ANKRD30B: variants seen among roughly 807,000 people sequenced by gnomAD.
The protein encoded by ANKRD30B is ankyrin repeat domain 30B, also known as ankyrin repeat domain-containing protein 30B.
Under a neutral mutation model 202.2 loss-of-function variants are expected in ANKRD30B, and 144 were observed. The observed-to-expected ratio is 0.71, with a 90% CI of 0.62 to 0.82. The LOEUF is 0.82. ANKRD30B is among the 40% of genes least tolerant of loss of function. ANKRD30B has a pLI of 0.00. For synonymous variants in ANKRD30B, 508 were observed against 561.3 expected, an observed-to-expected ratio of 0.91 and a Z score of 1.34; for missense variants, 1,487 against 1,669.1, an observed-to-expected ratio of 0.89 and a Z score of 1.90.
At chr18:14,866,839 G>A in the ANKRD30B span, among the ~76,000 whole-genome samples, 1 of 152,050 alleles carries the variant, frequency 6.6e-6, no homozygotes, top group African/African-American at 2.4e-5. Context: ...GAGGCAGGTT[G>A]TGTGCGCTGT....
chr18:14,777,447 A>T (rs1488961097), intron 9 of ANKRD30B, among the ~76,000 whole-genome samples: 1 of 151,440 alleles, frequency 6.6e-6, no homozygotes, highest in East Asian at 2.0e-4. Flanking sequence ...ACAGGCACCC[A>T]CCACCACGCC....
At chr18:14,760,058 T>C (rs774936851) in intron 5 of ANKRD30B, among the ~76,000 whole-genome samples, 1 of 152,202 alleles carries the variant, frequency 6.6e-6, no homozygotes, top group South Asian at 2.1e-4. Context: ...TTGGGTTTTA[T>C]TGGGAATTTT....
chr18:14,860,066 C>A, the ANKRD30B span, among the ~76,000 whole-genome samples: 1 of 149,938 alleles, frequency 6.7e-6, no homozygotes, highest in Middle Eastern at 3.6e-3. Flanking sequence ...AGGCGCTCCT[C>A]ACCTCCCAGA....
chr18:14,923,801 T>G, the ANKRD30B span, among the ~76,000 whole-genome samples: 1 of 152,200 alleles, frequency 6.6e-6, no homozygotes. Flanking sequence ...TTTCCTTACT[T>G]TCTTCCAAAC....
chr18:14,782,398 T>C (rs1233646674), intron 11 of ANKRD30B, 129 bp from the exon 12 acceptor site: 1 of 640,218 alleles, frequency 1.6e-6, no homozygotes, highest in East Asian at 3.2e-5. Flanking sequence ...TGATTTTCAA[T>C]ATGTGCCTAT....
At chr18:14,849,072 A>C in intron 40 of ANKRD30B, 143 bp downstream of exon 40, 1 of 954,950 alleles carries the variant, frequency 1.0e-6, no homozygotes, top group Middle Eastern at 3.7e-4. Flanking sequence ...CTTTTAAATA[A>C]TAAAAGTTCT....
chr18:14,901,888 A>G, the ANKRD30B span, among the ~76,000 whole-genome samples: 5 of 152,176 alleles, frequency 3.3e-5, no homozygotes, highest in Non-Finnish European at 5.9e-5. Flanking sequence ...CGTTGTCTAC[A>G]TGGTTCTCCT....
chr18:14,766,472 CAAAA>C (rs1168681924), intron 7 of ANKRD30B, among the ~76,000 whole-genome samples: 51 of 55,600 alleles, frequency 9.2e-4, no homozygotes, highest in African/African-American at 3.3e-3. Flanking sequence ...GACTCCATCT[CAAAA>C]AAAAAAAAAA....
At chr18:14,783,259 C>G (rs1386731920) in intron 12 of ANKRD30B, among the ~76,000 whole-genome samples, 1 of 151,974 alleles carries the variant, frequency 6.6e-6, no homozygotes, top group Non-Finnish European at 1.5e-5. Context: ...CAGCTGAATA[C>G]CTTGGTAATA....
the ANKRD30B span, among the ~76,000 whole-genome samples, chr18:14,874,793 G>T: frequency 6.6e-6 from 1 of 152,320 alleles, no homozygotes; most frequent in African/African-American, 2.4e-5. Context: ...ACAAGGAGGG[G>T]AGTGACTTGC....
the ANKRD30B span, chr18:14,888,701 C>A: frequency 1.4e-6 from 1 of 740,044 alleles, no homozygotes; most frequent in Non-Finnish European, 2.1e-6. Context: ...ATACCATATA[C>A]AATTAAGTTA....
the ANKRD30B span, among the ~76,000 whole-genome samples, chr18:14,928,585 TTGGAAC>T: frequency 6.6e-6 from 1 of 152,158 alleles, no homozygotes; most frequent in Admixed American, 6.5e-5. Flanking sequence ...TTCTCCGGCC[TTGGAAC>T]TGGAACTGGA....
At chr18:14,940,381 G>A in the ANKRD30B span, among the ~76,000 whole-genome samples, 1 of 152,242 alleles carries the variant, frequency 6.6e-6, no homozygotes, top group Non-Finnish European at 1.5e-5. Flanking sequence ...TGGCCACAGG[G>A]ATAGAGGGGA....
the ANKRD30B span, among the ~76,000 whole-genome samples, chr18:14,913,264 G>A: frequency 2.6e-5 from 4 of 152,154 alleles, no homozygotes; most frequent in East Asian, 3.9e-4. Flanking sequence ...GATTGCTGCC[G>A]AAGTGCCATG....
the ANKRD30B span, among the ~76,000 whole-genome samples, chr18:14,911,081 T>G: frequency 6.6e-6 from 1 of 152,180 alleles, no homozygotes; most frequent in Non-Finnish European, 1.5e-5. Flanking sequence ...GTCTGTTTAC[T>G]CCATCGATTA....
At chr18:14,791,252 T>C (rs1968484361) in intron 15 of ANKRD30B, 149 bp from the exon 16 acceptor site, 1 of 604,628 alleles carries the variant, frequency 1.7e-6, no homozygotes, top group African/African-American at 1.9e-5. Context: ...TCAAAATGTT[T>C]TGATTTTCTA....
the ANKRD30B span, among the ~76,000 whole-genome samples, chr18:14,865,892 A>C: frequency 6.6e-6 from 1 of 152,170 alleles, no homozygotes; most frequent in African/African-American, 2.4e-5. Context: ...AGAACCTGGA[A>C]TAGCCTGACT....
intron 34 of ANKRD30B, among the ~76,000 whole-genome samples, chr18:14,832,859 A>G (rs148227119): frequency 0.017 from 2,601 of 152,316 alleles, 82 homozygotes; most frequent in African/African-American, 0.06. Flanking sequence ...AGATTACACT[A>G]TATTTTCTAG....
rs1412971716 is a variant in ANKRD30B, at chr18:14,818,997, A to G, written c.2642-3486A>G. ...CCACCAACAGTGTCAAAGTGTTCCT[A>G]TTTCTCCACATCCTCTCCAGCACCT... On this transcript the variant is annotated intron_variant, in intron 30 of 43. Transcript: ENST00000690538. Among the ~76,000 whole-genome samples the G allele has an allele frequency of 2.0e-5, 3 of 152,176 alleles. No homozygotes were observed. In the East Asian group the frequency reaches 5.8e-4, roughly 30 times the overall value.
Sources: allele counts gnomAD v4.1 joint callset (sites outside exome capture counted in the v4.1 genomes callset), GRCh38; gene constraint gnomAD v4.1.1; transcripts MANE v1.5; gene names NCBI Gene and HGNC (gene_info 2026-07-23, HGNC 2026-07-21).